ST18: variants seen among roughly 807,000 people sequenced by gnomAD.
The protein encoded by ST18 is suppression of tumorigenicity 18 protein.
Under a neutral mutation model 110.0 loss-of-function variants are expected in ST18, and 50 were observed. The observed-to-expected ratio is 0.45, with a 90% CI of 0.36 to 0.58. The LOEUF is 0.58. Among genes scored for constraint, ST18 ranks in the 20% least tolerant of loss-of-function variants. The pLI is 0.00. For missense variants in ST18, 1,306 were observed against 1,280.1 expected, an observed-to-expected ratio of 1.02 and a Z score of -0.31; for synonymous variants, 461 against 452.4, an observed-to-expected ratio of 1.02 and a Z score of -0.24.
At chr8:52,210,122 A>C (rs1564082610) in intron 8 of ST18, 1 of 456,050 alleles carries the variant, frequency 2.2e-6, no homozygotes, top group Non-Finnish European at 4.4e-6. Context: ...CTGATTCTGC[A>C]ACAAGAACCA....
At chr8:52,114,575 C>T (rs183182893) in intron 25 of ST18, among the ~76,000 whole-genome samples, 2 of 152,292 alleles carry the variant, frequency 1.3e-5, no homozygotes, top group East Asian at 1.9e-4. Context: ...CTCGGCAAAG[C>T]GCTGATCTAA....
chr8:52,137,596 T>C (rs879697608), intron 17 of ST18, 113 bp from the exon 18 acceptor site: 3 of 957,604 alleles, frequency 3.1e-6, no homozygotes, highest in Non-Finnish European at 4.8e-6. Context: ...GTTAACACAG[T>C]ATAGGACATG....
At chr8:52,224,169 A>G (rs1277847334) in intron 3 of ST18, among the ~76,000 whole-genome samples, 2 of 152,138 alleles carry the variant, frequency 1.3e-5, no homozygotes, top group East Asian at 3.8e-4. Flanking sequence ...CCAAGTTTCT[A>G]GTTTTATTTT....
At chr8:52,272,538 T>C (rs2095108607) in intron 2 of ST18, among the ~76,000 whole-genome samples, 2 of 152,122 alleles carry the variant, frequency 1.3e-5, no homozygotes, top group African/African-American at 2.4e-5. Context: ...CCTGTCAGGA[T>C]GGCGATTATA....
chr8:52,225,084 C>T (rs929400996), intron 3 of ST18, among the ~76,000 whole-genome samples: 7 of 152,172 alleles, frequency 4.6e-5, no homozygotes, highest in Non-Finnish European at 8.8e-5. Flanking sequence ...AGTAATTGTA[C>T]TTACACTAGT....
chr8:52,384,720 T>C (rs1300657263), intron 2 of ST18, among the ~76,000 whole-genome samples: 2 of 152,208 alleles, frequency 1.3e-5, no homozygotes, highest in Non-Finnish European at 2.9e-5. Context: ...GGCTGCCTTT[T>C]CCCATGTGTC....
At chr8:52,203,541 T>G (rs1303387186) in intron 8 of ST18, among the ~76,000 whole-genome samples, 1 of 152,056 alleles carries the variant, frequency 6.6e-6, no homozygotes, top group Non-Finnish European at 1.5e-5. Context: ...ACATTTTATT[T>G]CAGTTCACAT....
At chr8:52,372,739 G>A (rs187385252) in intron 2 of ST18, among the ~76,000 whole-genome samples, 4 of 152,308 alleles carry the variant, frequency 2.6e-5, no homozygotes, top group Non-Finnish European at 4.4e-5. Flanking sequence ...GTATGTAGTA[G>A]GCTGTACCAT....
At chr8:52,395,444 G>C (rs911256052) in intron 2 of ST18, among the ~76,000 whole-genome samples, 2 of 152,174 alleles carry the variant, frequency 1.3e-5, no homozygotes, top group South Asian at 2.1e-4. Flanking sequence ...TAGCATTTCC[G>C]TCAGGAAGTG....
At chr8:52,139,288 T>C (rs1482054461) in intron 17 of ST18, among the ~76,000 whole-genome samples, 2 of 151,940 alleles carry the variant, frequency 1.3e-5, no homozygotes, top group Non-Finnish European at 1.5e-5. Context: ...ACTTTAGAAA[T>C]ACATCGCCAT....
chr8:52,355,043 C>T (rs1822074215), intron 2 of ST18, among the ~76,000 whole-genome samples: 1 of 152,208 alleles, frequency 6.6e-6, no homozygotes, highest in African/African-American at 2.4e-5. Context: ...AGAGGGAACT[C>T]AGCAGCACAG....
intron 2 of ST18, among the ~76,000 whole-genome samples, chr8:52,271,328 A>G (rs2095068958): frequency 6.6e-6 from 1 of 152,196 alleles, no homozygotes; most frequent in African/African-American, 2.4e-5. Context: ...GCCACCATGG[A>G]TCCAGGAGAG....
In ST18 at chr8:52,158,902, G is replaced by T; in HGVS notation, c.1802C>A (p.Ala601Asp). 6.2e-7 allele frequency: 1 copy of T among 1,613,998 alleles called. No homozygotes were observed. The highest frequency in any genetic ancestry group is 8.5e-7 in the Non-Finnish European group (1 of 1,179,888). ...ILSNKPQSLHAKGAEIEVDEN... is the reference protein window; with the variant it reads ...ILSNKPQSLHDKGAEIEVDEN... The stretch of plus-strand genomic sequence containing the variant: ...CGGGCTCTTGGACTGGCCTACCTTG[G>T]CATGCAGACTCTGTGGCTTGTTGGA... Residue 601 changes from alanine (A) to aspartate (D), a missense_variant, in exon 15 of 26, where the codon GCC (alanine) becomes GAC (aspartate). Ala to Asp is a moderately radical substitution (Grantham distance 126). Transcript: ENST00000689386.
intron 2 of ST18, among the ~76,000 whole-genome samples, chr8:52,389,196 A>G (rs1010218915): frequency 3.9e-5 from 6 of 152,108 alleles, no homozygotes; most frequent in Non-Finnish European, 7.4e-5. Context: ...TTTGGAGGCG[A>G]GCGCGGAGGG....
At chr8:52,269,448 C>A (rs888629860) in intron 2 of ST18, among the ~76,000 whole-genome samples, 47 of 152,294 alleles carry the variant, frequency 3.1e-4, no homozygotes, top group African/African-American at 1.1e-3. Context: ...AAGGCAAAAT[C>A]TGTGTCACTG....
chr8:52,351,631 G>C (rs1443897775), intron 2 of ST18, among the ~76,000 whole-genome samples: 2 of 152,122 alleles, frequency 1.3e-5, no homozygotes, highest in Non-Finnish European at 2.9e-5. Context: ...CTGTCAAGTC[G>C]AACTAATGTT....
chr8:52,344,660 CAAAGTGTTGGGATT>C (rs1003141326), intron 2 of ST18, among the ~76,000 whole-genome samples: 1 of 152,170 alleles, frequency 6.6e-6, no homozygotes, highest in Non-Finnish European at 1.5e-5. Flanking sequence ...CTCAGCCTCC[CAAAGTGTTGGGATT>C]ACAGGCATGA....
At chr8:52,354,499 T>C (rs537262002) in intron 2 of ST18, among the ~76,000 whole-genome samples, 23 of 152,304 alleles carry the variant, frequency 1.5e-4, no homozygotes, top group Admixed American at 4.6e-4. Context: ...AAGTGTCTGA[T>C]AGAGAAAGTC....
At chr8:52,253,491 C>A (rs1454229926) in intron 2 of ST18, among the ~76,000 whole-genome samples, 2 of 152,032 alleles carry the variant, frequency 1.3e-5, no homozygotes, top group African/African-American at 2.4e-5. Flanking sequence ...CTACTCTTAT[C>A]CAATTCTCTA....
Sources: allele counts gnomAD v4.1 joint callset (sites outside exome capture counted in the v4.1 genomes callset), GRCh38; gene constraint gnomAD v4.1.1; transcripts MANE v1.5; gene names NCBI Gene and HGNC (gene_info 2026-07-23, HGNC 2026-07-21).